The following NASP variants were observed in gnomAD, a reference collection of about 807,000 sequenced individuals.
The protein encoded by NASP is nuclear autoantigenic sperm protein.
NASP carries 24 observed loss-of-function variants against 89.5 expected under a neutral mutation model. The observed-to-expected ratio is 0.27, with a 90% CI of 0.19 to 0.38. The LOEUF (loss-of-function observed/expected upper bound fraction) is 0.38, where lower values mean the gene tolerates loss of function less well. Ranked by LOEUF, NASP falls within the 10% of genes least tolerant of loss-of-function variation. The pLI is 1.00. For missense variants in NASP, 848 were observed against 921.4 expected, an observed-to-expected ratio of 0.92 and a Z score of 1.03; for synonymous variants, 306 against 324.7, an observed-to-expected ratio of 0.94 and a Z score of 0.62.
rs1483383989 is a variant in NASP, at chr1:45,616,668, T to C, written c.2122T>C (p.Cys708Arg). ...KPTDGASSSNCVTDISHLVRK... is the reference protein window; with the variant it reads ...KPTDGASSSNRVTDISHLVRK... ...AACAGACGGTGCTTCCTCATCAAATTGTGTGACTGATATTTCCCACCTTGT... is the reference window on the plus strand; with the variant it reads ...AACAGACGGTGCTTCCTCATCAAATCGTGTGACTGATATTTCCCACCTTGT... Residue 708 changes from cysteine to arginine, a missense_variant, in exon 13 of 15, where the codon TGT becomes CGT. Cys to Arg is a radical substitution (Grantham distance 180). Transcript: ENST00000350030. 1 of 1,614,150 alleles carries C rather than the reference T, an allele frequency of 6.2e-7. No homozygotes were observed. The highest frequency in any genetic ancestry group is 8.5e-7 in the Non-Finnish European group (1 of 1,179,970).
intron 1 of NASP, among the ~76,000 whole-genome samples, chr1:45,590,414 G>A (rs776160858): frequency 8.6e-5 from 13 of 151,164 alleles, no homozygotes; most frequent in Non-Finnish European, 1.6e-4. Flanking sequence ...CATGGTGGCC[G>A]GTGCACAGGC....
Position 45,607,959 on chromosome 1 carries a change from G to A in NASP, c.1048G>A (p.Glu350Lys), listed in dbSNP as rs1643938632. The A allele has an allele frequency of 1.2e-6, 2 of 1,614,142 alleles. No individual in the cohort carries two copies. Among genetic ancestry groups the A allele is most frequent in the Non-Finnish European group, 1.7e-6 (2 of 1,180,026 alleles). ...PAEESPEVTT[E>K]AAEASAVEAG... ...TGAAGAGTCACCAGAGGTGACAACA[G>A]AGGCTGCAGAGGCCTCAGCTGTAGA... The change falls in exon 6 of 15, where the codon GAG becomes AAG. Residue 350 changes from glutamate to lysine, a missense_variant. Coordinates refer to ENST00000350030, the MANE Select transcript of NASP (RefSeq NM_002482.4).
Position 45,604,932 on chromosome 1 carries a change from G to T in NASP, c.219-4G>T. The stretch of plus-strand genomic sequence containing the variant: ...CAGATTTTAGATGTTTATTCTCTTT[G>T]TAGAGGTAAGAAGTATGGAGAGACA... On this transcript the variant is annotated splice_region_variant and splice_polypyrimidine_tract_variant and intron_variant, in intron 3 of 14. Coordinates refer to ENST00000350030, the MANE Select transcript of NASP (RefSeq NM_002482.4). The T allele has an allele frequency of 6.3e-7, 1 of 1,597,206 alleles. No homozygotes were observed. The highest frequency in any genetic ancestry group is 1.1e-5 in the South Asian group (1 of 89,982).
chr1:45,608,957 C>T (rs989382177), intron 6 of NASP, among the ~76,000 whole-genome samples: 3 of 152,110 alleles, frequency 2.0e-5, no homozygotes, highest in Non-Finnish European at 2.9e-5. Flanking sequence ...AAACAGGCCC[C>T]CCCCACCTTC....
chr1:45,609,261 C>G (rs572832635), intron 6 of NASP: 3 of 152,146 alleles, frequency 2.0e-5, no homozygotes, highest in Non-Finnish European at 4.4e-5. Context: ...ATTGTTACTT[C>G]TTGTAATTGC....
At chr1:45,594,990 CCTT>C (rs1643652188) in intron 2 of NASP, among the ~76,000 whole-genome samples, 3 of 152,034 alleles carry the variant, frequency 2.0e-5, no homozygotes, top group Non-Finnish European at 2.9e-5. Flanking sequence ...CTTAATCTTT[CCTT>C]CTTTTTTTTC....
At chr1:45,587,661 CATAT>C (rs1553169239) in intron 1 of NASP, among the ~76,000 whole-genome samples, 1 of 6,388 alleles carries the variant, frequency 1.6e-4, no homozygotes, top group African/African-American at 7.3e-4. Context: ...TGAGTTTTTT[CATAT>C]ATATATATAT....
At chr1:45,596,837 C>T (rs1306543413) in intron 2 of NASP, among the ~76,000 whole-genome samples, 2 of 151,740 alleles carry the variant, frequency 1.3e-5, no homozygotes, top group Non-Finnish European at 2.9e-5. Flanking sequence ...CAAAAATTAG[C>T]GGGGCATGGT....
At chr1:45,586,309 G>GGTGTGTGT (rs879377284) in intron 1 of NASP, among the ~76,000 whole-genome samples, 44 of 136,050 alleles carry the variant, frequency 3.2e-4, no homozygotes, top group African/African-American at 1.3e-3. Flanking sequence ...GTGTGTGTGT[G>GGTGTGTGT]GTGTGTGTGT....
chr1:45,585,144 C>A (rs780067340), intron 1 of NASP, among the ~76,000 whole-genome samples: 3 of 152,212 alleles, frequency 2.0e-5, no homozygotes, highest in Non-Finnish European at 4.4e-5. Context: ...CAGGCGTAAT[C>A]TGTTTTTTGA....
At chr1:45,613,643 G>A (rs1217413455) in intron 7 of NASP, among the ~76,000 whole-genome samples, 1 of 152,068 alleles carries the variant, frequency 6.6e-6, no homozygotes, top group Non-Finnish European at 1.5e-5. Context: ...CACCATGTCT[G>A]GCTAATTTGT....
Position 45,618,239 on chromosome 1 carries a change from G to A in NASP, c.*98G>A. The A allele has an allele frequency of 1.0e-6, 1 of 983,226 alleles. No homozygotes were observed. The highest frequency in any genetic ancestry group is 1.5e-6 in the Non-Finnish European group (1 of 657,390). The allele number at this position is 983,226 out of a possible 1,614,324, so 60.9% of individuals were successfully genotyped here. A position where few individuals can be genotyped will look rare whatever the true frequency, so the allele number is the denominator to read the frequency against. On this transcript the variant is annotated 3_prime_UTR_variant, in exon 15 of 15. Coordinates refer to ENST00000350030, the MANE Select transcript of NASP (RefSeq NM_002482.4). ...TTTTTGTATAACTTCAATAAAGATT[G>A]TAAGCAAAGGTTGAGGCTTTGATGG... is the stretch of plus-strand genomic sequence containing the variant.
chr1:45,598,959 AC>A (rs371497699), intron 2 of NASP, among the ~76,000 whole-genome samples: 2 of 152,316 alleles, frequency 1.3e-5, no homozygotes, highest in East Asian at 1.9e-4. Flanking sequence ...GGCCAAAAAA[AC>A]ATTTGCTTCA....
chr1:45,616,776 C>A, intron 13 of NASP, 73 bp downstream of exon 13: 3 of 1,378,456 alleles, frequency 2.2e-6, no homozygotes, highest in Non-Finnish European at 3.1e-6. Context: ...CTATAAACCC[C>A]TCCCTATAGT....
At chr1:45,587,064 C>CA (rs1331752074) in intron 1 of NASP, among the ~76,000 whole-genome samples, 2 of 152,124 alleles carry the variant, frequency 1.3e-5, no homozygotes, top group Non-Finnish European at 2.9e-5. Flanking sequence ...TTGTCGTCTG[C>CA]AAAAAGTCTT....
chr1:45,604,438 C>T (rs1643885534), intron 3 of NASP, among the ~76,000 whole-genome samples: 1 of 152,134 alleles, frequency 6.6e-6, no homozygotes, highest in Admixed American at 6.6e-5. Flanking sequence ...ATTAACATTC[C>T]CATTTTACAG....
intron 2 of NASP, among the ~76,000 whole-genome samples, chr1:45,595,130 TGTGTGTGTGTG>T (rs1366901119): frequency 2.8e-4 from 1 of 3,604 alleles, no homozygotes; most frequent in Non-Finnish European, 6.5e-4. Context: ...GACTAAGTTT[TGTGTGTGTGTG>T]TGTGTGTGTG....
intron 11 of NASP, 81 bp downstream of exon 11, chr1:45,615,552 T>C: frequency 2.2e-6 from 3 of 1,387,844 alleles, no homozygotes; most frequent in Middle Eastern, 3.7e-4. Context: ...CTTTTCATCA[T>C]GACTTGGTTT....
rs1485775954 is a variant in NASP at position 45,600,276 on chromosome 1, T to G, written c.108-1979T>G. 20 of 569,046 alleles carry G rather than the reference T, an allele frequency of 3.5e-5. No homozygotes were observed. The South Asian group carries it at 4.5e-4, about 13-fold the overall frequency. 35.2% of individuals were successfully genotyped at this position (569,046 alleles called of 1,614,324 possible). On this transcript the variant is annotated intron_variant, in intron 2 of 14. Coordinates refer to ENST00000350030, the MANE Select transcript of NASP (RefSeq NM_002482.4). The stretch of plus-strand genomic sequence containing the variant: ...TAACTTTAAAGTAACAATTATGAGT[T>G]TCTACATATGTATACACCTGTAAAC...
Sources: gnomAD v4.1 joint callset for allele counts (sites outside exome capture counted in the v4.1 genomes callset) on GRCh38, gnomAD v4.1.1 for gene constraint, MANE v1.5 for transcripts, NCBI Gene and HGNC (gene_info 2026-07-23, HGNC 2026-07-21) for gene names.